ZNF827: variants seen among roughly 807,000 people sequenced by gnomAD.
ZNF827 encodes the protein zinc finger protein 827.
A neutral mutation model predicts 102.4 loss-of-function variants in ZNF827; 13 were observed. The ratio of observed to expected loss-of-function variants is 0.13; its 90% CI spans 0.08 to 0.20. The LOEUF is 0.20. ZNF827 is among the 10% of genes least tolerant of loss of function. The pLI, the probability that ZNF827 is intolerant of heterozygous loss-of-function variation, is 1.00. For missense variants in ZNF827, 1,103 were observed against 1,344.4 expected, an observed-to-expected ratio of 0.82 and a Z score of 2.81; for synonymous variants, 523 against 536.2, an observed-to-expected ratio of 0.98 and a Z score of 0.34.
rs1013468157 is a variant in ZNF827 at position 145,757,774 on chromosome 4, TATACA to T, written c.*3837_*3841del. ...TACAGCCTCGTAATGCAAAAAGCTT[TATACA>T]ATACAAATTTTCAGTAATGTACACA... is the stretch of plus-strand genomic sequence containing the variant. On this transcript the variant is annotated 3_prime_UTR_variant, in exon 15 of 15. Transcript: ENST00000508784. The T allele has an allele frequency of 3.9e-5, 6 of 152,100 alleles. No individual in the cohort carries two copies. Among genetic ancestry groups the T allele is most frequent in the Admixed American group, 6.5e-5 (1 of 15,286 alleles). 9.4% of individuals were successfully genotyped at this position (152,100 alleles called of 1,614,324 possible). A position where few individuals can be genotyped will look rare whatever the true frequency, so the allele number is the denominator to read the frequency against.
intron 1 of ZNF827, among the ~76,000 whole-genome samples, chr4:145,934,910 C>G (rs1220090696): frequency 6.6e-6 from 1 of 152,168 alleles, no homozygotes; most frequent in African/African-American, 2.4e-5. Context: ...TTTTTGTATT[C>G]TAATTTGCAC....
chr4:145,846,370 AG>A (rs1387467404), intron 6 of ZNF827, among the ~76,000 whole-genome samples: 2 of 151,694 alleles, frequency 1.3e-5, no homozygotes, highest in African/African-American at 4.8e-5. Flanking sequence ...CCCAGCTACT[AG>A]GGAGGCTGAG....
intron 7 of ZNF827, among the ~76,000 whole-genome samples, chr4:145,829,054 G>T (rs781409555): frequency 1.3e-5 from 2 of 152,080 alleles, no homozygotes; most frequent in Non-Finnish European, 2.9e-5. Flanking sequence ...AAAACCAAAA[G>T]AAAACAGAAA....
chr4:145,838,739 A>T (rs1745128077), intron 7 of ZNF827, among the ~76,000 whole-genome samples: 1 of 152,244 alleles, frequency 6.6e-6, no homozygotes, highest in African/African-American at 2.4e-5. Context: ...TATAAATGAA[A>T]AAAAATCCAG....
At chr4:145,929,308 G>A (rs975577923) in intron 1 of ZNF827, among the ~76,000 whole-genome samples, 4 of 151,962 alleles carry the variant, frequency 2.6e-5, no homozygotes, top group Non-Finnish European at 2.9e-5. Flanking sequence ...TATAAATTTC[G>A]TCTGTGTTAC....
chr4:145,771,600 G>GTGGGA (rs1255597367), intron 11 of ZNF827, among the ~76,000 whole-genome samples: 1 of 152,220 alleles, frequency 6.6e-6, no homozygotes, highest in Non-Finnish European at 1.5e-5. Flanking sequence ...ACGCCAGACA[G>GTGGGA]TGGGAGAAAG....
intron 2 of ZNF827, 48 bp from the exon 3 acceptor site, chr4:145,892,463 C>T: frequency 6.5e-7 from 1 of 1,547,890 alleles, no homozygotes; most frequent in Non-Finnish European, 8.7e-7. Context: ...CAAAAAGGTA[C>T]ACTGCATCTG....
intron 1 of ZNF827, among the ~76,000 whole-genome samples, chr4:145,909,496 C>T (rs546857190): frequency 7.5e-4 from 114 of 152,316 alleles, no homozygotes; most frequent in African/African-American, 2.4e-3. Flanking sequence ...TGGGTTTTCA[C>T]TCTCAATGAC....
Position 145,765,240 on chromosome 4 carries a change from TC to T in ZNF827, c.3053-76del. ...GAGGGCAGGAGTGGAGCCAAGCTCC[TC>T]CCCACTTCCTCCCGCCTCCTCCGAC... On this transcript the variant is annotated intron_variant, in intron 12 of 14. Transcript: ENST00000508784. This position sits in a 1 kb window ranked among gnomAD's most constrained non-coding sequence, Gnocchi z 4.7. The T allele has an allele frequency of 6.9e-7, 1 of 1,454,012 alleles. No individual in the cohort carries two copies. The allele number at this position is 1,454,012 out of a possible 1,614,324, so 90.1% of individuals were successfully genotyped here. A position where few individuals can be genotyped will look rare whatever the true frequency, so the allele number is the denominator to read the frequency against.
chr4:145,840,051 A>C (rs952437453), intron 7 of ZNF827, among the ~76,000 whole-genome samples: 2 of 152,248 alleles, frequency 1.3e-5, no homozygotes, highest in Non-Finnish European at 2.9e-5. Context: ...AGAGGAATAG[A>C]ACAAAGTACT....
chr4:145,812,800 T>C (rs1221654153), intron 8 of ZNF827, among the ~76,000 whole-genome samples: 3 of 152,174 alleles, frequency 2.0e-5, no homozygotes, highest in African/African-American at 7.2e-5. Context: ...AGTGCTCGGA[T>C]TACAGGTGTG....
chr4:145,879,193 T>C (rs1191936944), intron 4 of ZNF827, among the ~76,000 whole-genome samples: 1 of 152,206 alleles, frequency 6.6e-6, no homozygotes, highest in Non-Finnish European at 1.5e-5. Flanking sequence ...AGCTGAATCC[T>C]TGCTCTGTCC....
At chr4:145,860,308 G>A (rs1747572861) in intron 5 of ZNF827, among the ~76,000 whole-genome samples, 1 of 152,158 alleles carries the variant, frequency 6.6e-6, no homozygotes, top group Non-Finnish European at 1.5e-5. Context: ...AAACACGCAT[G>A]TGGACCACAG....
chr4:145,773,809 T>C (rs760683080), intron 11 of ZNF827, among the ~76,000 whole-genome samples: 1 of 152,104 alleles, frequency 6.6e-6, no homozygotes, highest in Admixed American at 6.5e-5. Context: ...CCATGCGTCA[T>C]TAAGGAGAGC....
In ZNF827 at chr4:145,774,561, G is replaced by A; in HGVS notation, c.2805C>T (p.Asp935=). 2 of 1,612,982 alleles carry A rather than the reference G, an allele frequency of 1.2e-6. No homozygotes were observed. Among genetic ancestry groups the A allele is most frequent in the Non-Finnish European group, 1.7e-6 (2 of 1,179,616 alleles). ...WMFSICCTAC[D]FVTMEEAEIK... is the part of the protein sequence containing the mutation. ...TCTCTGCTTCCTCCATGGTGACGAA[G>A]TCGCAGGCAGTGCAGCAGATCGAAA... is the stretch of plus-strand genomic sequence containing the variant. The change falls in exon 11 of 15, where the codon GAC becomes GAT. Residue 935 remains aspartate (D), a synonymous_variant. Transcript: ENST00000508784.
chr4:145,901,546 C>T (rs577257944), intron 2 of ZNF827, among the ~76,000 whole-genome samples: 2 of 152,172 alleles, frequency 1.3e-5, no homozygotes, highest in Non-Finnish European at 2.9e-5. Context: ...AAAGCATTCA[C>T]AGGAAATGTG....
intron 8 of ZNF827, among the ~76,000 whole-genome samples, chr4:145,794,666 C>T (rs1160722854): frequency 1.3e-5 from 2 of 151,982 alleles, no homozygotes; most frequent in African/African-American, 2.4e-5. Context: ...GGCCACTGCA[C>T]TTCAGCCCGG....
intron 1 of ZNF827, among the ~76,000 whole-genome samples, chr4:145,915,084 A>T (rs918976131): frequency 6.6e-6 from 1 of 152,210 alleles, no homozygotes; most frequent in Admixed American, 6.5e-5. Context: ...TTGCTGCATC[A>T]TGACAACAGA....
At chr4:145,816,568 G>C (rs1742616069) in intron 8 of ZNF827, among the ~76,000 whole-genome samples, 1 of 152,198 alleles carries the variant, frequency 6.6e-6, no homozygotes, top group African/African-American at 2.4e-5. Context: ...TCTACAACTA[G>C]TTTCTAATAG....
Sources: gnomAD v4.1 joint callset for allele counts (sites outside exome capture counted in the v4.1 genomes callset) on GRCh38, gnomAD v4.1.1 for gene constraint, Gnocchi (gnomAD v3.1) non-coding constraint, MANE v1.5 for transcripts, NCBI Gene and HGNC (gene_info 2026-07-23, HGNC 2026-07-21) for gene names.